KHDRBS1: variants seen among roughly 807,000 people sequenced by gnomAD.
The protein encoded by KHDRBS1 is KH domain-containing, RNA-binding, signal transduction-associated protein 1.
KHDRBS1 carries 7 observed loss-of-function variants against 48.4 expected under a neutral mutation model. The ratio of observed to expected loss-of-function variants is 0.14; its 90% CI spans 0.08 to 0.27. The LOEUF (loss-of-function observed/expected upper bound fraction) is 0.27. Among genes scored for constraint, KHDRBS1 ranks in the 10% least tolerant of loss-of-function variants. The pLI, the probability that KHDRBS1 is intolerant of heterozygous loss-of-function variation, is 1.00. For synonymous variants in KHDRBS1, 241 were observed against 235.8 expected (o/e 1.02, Z -0.20); for missense variants, 458 against 601.2 (o/e 0.76, Z 2.49).
downstream of KHDRBS1, among the ~76,000 whole-genome samples, chr1:32,047,012 A>G (rs757234321): frequency 1.3e-5 from 2 of 151,952 alleles, no homozygotes; most frequent in Admixed American, 6.5e-5. Flanking sequence ...GTTTGGGGAA[A>G]CCTTTCATTT....
chr1:32,030,901 G>A (rs1313972444), intron 2 of KHDRBS1, among the ~76,000 whole-genome samples: 1 of 151,376 alleles, frequency 6.6e-6, no homozygotes, highest in African/African-American at 2.4e-5. Flanking sequence ...GTTATCAAAG[G>A]GTGCTATATA....
rs1639319221 is a variant in KHDRBS1, at chr1:32,043,506, A to T, written c.*882A>T. ...TCATAGTACTAATAATTAAATTTTC[A>T]GTATTTAAAAAGACAAAGTATTTTG... On this transcript the variant is annotated 3_prime_UTR_variant, in exon 9 of 9. Coordinates refer to ENST00000327300, the MANE Select transcript of KHDRBS1 (RefSeq NM_006559.3). The T allele has an allele frequency of 6.6e-6, 1 of 152,598 alleles. No individual in the cohort carries two copies. 9.5% of individuals were successfully genotyped at this position (152,598 alleles called of 1,614,324 possible). A position where few individuals can be genotyped will look rare whatever the true frequency, so the allele number is the denominator to read the frequency against.
intron 10 of KHDRBS1, among the ~76,000 whole-genome samples, chr1:32,051,118 G>A (rs575218262): frequency 2.6e-5 from 4 of 152,108 alleles, no homozygotes; most frequent in South Asian, 2.1e-4. Flanking sequence ...GGCTGATCTC[G>A]AACTCCTGAC....
intron 2 of KHDRBS1, 31 bp from the exon 3 acceptor site, chr1:32,031,493 G>T: frequency 7.6e-7 from 1 of 1,316,068 alleles, no homozygotes; most frequent in East Asian, 2.3e-5. Context: ...ATAGTAGCAT[G>T]TATATTTAGA....
In KHDRBS1 at chr1:32,014,260, C is replaced by G. The variant is rs535621173; in HGVS notation, c.265C>G (p.Pro89Ala). The change falls in exon 1 of 9, where the codon CCC (proline) becomes GCC (alanine). Residue 89 changes from proline to alanine, a missense_variant. By Grantham distance (27) the Pro-to-Ala change is conservative. Transcript: ENST00000327300. ...GGPAPTPLLP[P>A]SATASVKMEP... is the part of the protein sequence containing the mutation. Reference sequence around the variant, plus strand: ...GCCAGCGCCGACCCCGCTGCTGCCCCCCTCGGCCACAGCCTCGGTCAAGAT... The same window carrying G: ...GCCAGCGCCGACCCCGCTGCTGCCCGCCTCGGCCACAGCCTCGGTCAAGAT... 31 of 1,541,816 alleles carry G rather than the reference C, an allele frequency of 2.0e-5. No homozygotes were observed. Among genetic ancestry groups the G allele is most frequent in the Admixed American group, 1.4e-4 (7 of 50,484 alleles).
At chr1:32,057,700 G>A (rs550791382) in intron 10 of KHDRBS1, among the ~76,000 whole-genome samples, 18 of 151,746 alleles carry the variant, frequency 1.2e-4, no homozygotes, top group Non-Finnish European at 2.5e-4. Flanking sequence ...TCGGGAGGCT[G>A]AGGCAGGAGA....
At position 32,020,629 on chromosome 1, in the gene KHDRBS1, A is replaced by G. The variant is rs542064521; in HGVS notation, c.382+6252A>G. ...AGTACTGTGCAATAAAAAAAAAAAA[A>G]AAAAGGAACTGTTAATAAATGCAGC... On this transcript the variant is annotated intron_variant, in intron 1 of 8. Transcript: ENST00000327300. Among the ~76,000 whole-genome samples the G allele has an allele frequency of 2.0e-4, 31 of 152,264 alleles. No individual in the cohort carries two copies. The South Asian group carries it at 2.1e-3, about 10-fold the overall frequency.
intron 1 of KHDRBS1, among the ~76,000 whole-genome samples, chr1:32,020,276 G>A (rs1407450391): frequency 2.0e-5 from 3 of 150,254 alleles, no homozygotes; most frequent in Non-Finnish European, 3.0e-5. Context: ...CCAACTACCC[G>A]GGAGCCTGAA....
At chr1:32,044,156 CAACTG>C (rs1442669191), downstream of KHDRBS1, among the ~76,000 whole-genome samples, 4 of 152,176 alleles carry the variant, frequency 2.6e-5, no homozygotes, top group Admixed American at 6.5e-5. Flanking sequence ...GTTTTCAACT[CAACTG>C]AGCTGAAACT....
In KHDRBS1 at chr1:32,014,219, A is replaced by G; in HGVS notation, c.224A>G (p.Asp75Gly). The G allele has an allele frequency of 6.8e-7, 1 of 1,472,984 alleles. No individual in the cohort carries two copies. The highest frequency in any genetic ancestry group is 9.1e-7 in the Non-Finnish European group (1 of 1,104,718). The allele number at this position is 1,472,984 out of a possible 1,614,324, so 91.2% of individuals were successfully genotyped here. A position where few individuals can be genotyped will look rare whatever the true frequency, so the allele number is the denominator to read the frequency against. ...PLLPPSATGP[D>G]ATVGGPAPTP... is the part of the protein sequence containing the mutation. ...CTGCCGCCCTCGGCCACGGGTCCCG[A>G]CGCGACAGTGGGCGGGCCAGCGCCG... is the stretch of plus-strand genomic sequence containing the variant. The change falls in exon 1 of 9, where the codon GAC (aspartate) becomes GGC (glycine). Residue 75 changes from aspartate to glycine, a missense_variant. Transcript: ENST00000327300.
intron 4 of KHDRBS1, among the ~76,000 whole-genome samples, chr1:32,033,632 A>AGGGT (rs1443160508): frequency 6.6e-6 from 1 of 152,240 alleles, no homozygotes; most frequent in Non-Finnish European, 1.5e-5. Context: ...AAGGTTTAAC[A>AGGGT]GGGTCTTCAC....
intron 4 of KHDRBS1, among the ~76,000 whole-genome samples, chr1:32,035,342 G>GC (rs943760286): frequency 1.3e-5 from 2 of 152,120 alleles, no homozygotes; most frequent in African/African-American, 4.8e-5. Flanking sequence ...TGAGTCTCAA[G>GC]CAGCGGTAAT....
At chr1:32,017,903 G>A (rs766399362) in intron 1 of KHDRBS1, among the ~76,000 whole-genome samples, 1 of 151,732 alleles carries the variant, frequency 6.6e-6, no homozygotes, top group Non-Finnish European at 1.5e-5. Flanking sequence ...CACTGCGCCC[G>A]GCCTATTTTT....
chr1:32,057,368 T>C (rs563400480), intron 10 of KHDRBS1, among the ~76,000 whole-genome samples: 1 of 152,242 alleles, frequency 6.6e-6, no homozygotes, highest in South Asian at 2.1e-4. Context: ...AAGATCTCAA[T>C]CTGTTGCCCA....
At chr1:32,052,366 G>A (rs1431314779) in intron 10 of KHDRBS1, 2 of 150,644 alleles carry the variant, frequency 1.3e-5, no homozygotes, top group Non-Finnish European at 3.0e-5. Context: ...AAGAAAGAAA[G>A]AAAAAAAGCT....
chr1:32,033,427 A>G (rs1006845005), intron 4 of KHDRBS1, 93 bp downstream of exon 4: 3 of 1,519,718 alleles, frequency 2.0e-6, no homozygotes, highest in African/African-American at 1.4e-5. Context: ...AGGTCTCTGC[A>G]TAACCTGTAT....
intron 10 of KHDRBS1, among the ~76,000 whole-genome samples, chr1:32,051,550 T>G (rs1639422187): frequency 6.6e-6 from 1 of 152,206 alleles, no homozygotes; most frequent in Admixed American, 6.5e-5. Flanking sequence ...CTAGCTGCCA[T>G]GCCTGGTCAT....
At chr1:32,018,133 C>CTT (rs560898649) in intron 1 of KHDRBS1, among the ~76,000 whole-genome samples, 54 of 152,252 alleles carry the variant, frequency 3.5e-4, no homozygotes, top group Admixed American at 2.6e-3. Context: ...CTTCCCAGTT[C>CTT]ATTCTACAGG....
intron 4 of KHDRBS1, among the ~76,000 whole-genome samples, chr1:32,036,272 C>T (rs1349161230): frequency 6.7e-6 from 1 of 148,728 alleles, no homozygotes; most frequent in African/African-American, 2.5e-5. Context: ...CCCGGGTTCT[C>T]GCCATTCTCC....
Sources: allele counts gnomAD v4.1 joint callset (sites outside exome capture counted in the v4.1 genomes callset), GRCh38; gene constraint gnomAD v4.1.1; transcripts MANE v1.5; gene names NCBI Gene and HGNC (gene_info 2026-07-23, HGNC 2026-07-21).